Variants in ETV6 observed in about 807,000 individuals in gnomAD.
ETV6 encodes ETS variant transcription factor 6.
ETV6 carries 16 observed loss-of-function variants against 51.1 expected under a neutral mutation model. The ratio of observed to expected loss-of-function variants is 0.31; its 90% CI spans 0.21 to 0.48. The LOEUF (loss-of-function observed/expected upper bound fraction) is 0.48, where lower values mean the gene tolerates loss of function less well. Among genes scored for constraint, ETV6 ranks in the 20% least tolerant of loss-of-function variants. ETV6 has a pLI of 0.99. For missense variants in ETV6, 458 were observed against 594.8 expected (o/e 0.77, Z 2.39); for synonymous variants, 240 against 224.1 (o/e 1.07, Z -0.64).
intron 2 of ETV6, among the ~76,000 whole-genome samples, chr12:11,756,951 C>T (rs898623071): frequency 5.9e-5 from 9 of 152,106 alleles, no homozygotes; most frequent in Non-Finnish European, 1.2e-4. Context: ...GTTGACATTG[C>T]GCCATTTGCC....
At chr12:11,656,771 A>G (rs1427316918) in intron 1 of ETV6, among the ~76,000 whole-genome samples, 1 of 151,464 alleles carries the variant, frequency 6.6e-6, no homozygotes, top group Non-Finnish European at 1.5e-5. Flanking sequence ...CTCGGGCTAG[A>G]CACCTTCTTT....
At chr12:11,661,726 G>A (rs1359716521) in intron 1 of ETV6, among the ~76,000 whole-genome samples, 1 of 152,256 alleles carries the variant, frequency 6.6e-6, no homozygotes, top group African/African-American at 2.4e-5. Flanking sequence ...GAGCATACCT[G>A]TTGGTGAGGT....
intron 1 of ETV6, chr12:11,751,438 A>G (rs1339574249): frequency 1.9e-6 from 1 of 518,864 alleles, no homozygotes; most frequent in East Asian, 5.4e-5. Context: ...TAAACCACAG[A>G]CACTCCTGAA....
intron 4 of ETV6, among the ~76,000 whole-genome samples, chr12:11,867,928 G>T (rs973010484): frequency 6.6e-6 from 1 of 152,164 alleles, no homozygotes; most frequent in Non-Finnish European, 1.5e-5. Flanking sequence ...GACTTCTGGA[G>T]CCAGGTGTGT....
chr12:11,749,288 T>TACACACACACACAC lies in ETV6; in HGVS notation c.34-3113_34-3100dup, dbSNP rs761925697. Among the ~76,000 whole-genome samples the TACACACACACACAC allele has an allele frequency of 8.3e-4, 102 of 122,928 alleles. 2 individuals carry two copies. Among genetic ancestry groups the TACACACACACACAC allele is most frequent in the Middle Eastern group, 4.4e-3 (1 of 228 alleles). 80.6% of individuals were successfully genotyped at this position (122,928 alleles called of 152,430 possible). The stretch of plus-strand genomic sequence containing the variant: ...CTTGGGAAAATCGTTATCCCCCCCA[T>TACACACACACACAC]ACACACACACACACACACACACACA... On this transcript the variant is annotated intron_variant, in intron 1 of 7. Transcript: ENST00000396373.
At chr12:11,789,158 G>A (rs1430110569) in intron 2 of ETV6, among the ~76,000 whole-genome samples, 8 of 151,740 alleles carry the variant, frequency 5.3e-5, no homozygotes, top group Non-Finnish European at 8.8e-5. Flanking sequence ...TCAGCCTCCC[G>A]AGTAGCTGGG....
At chr12:11,746,888 T>C (rs1865919900) in intron 1 of ETV6, among the ~76,000 whole-genome samples, 3 of 151,242 alleles carry the variant, frequency 2.0e-5, no homozygotes, top group African/African-American at 7.3e-5. Flanking sequence ...TTGTATCTGC[T>C]TGACAGAAGC....
chr12:11,865,319 A>G lies in ETV6; in HGVS notation c.464-4105A>G, dbSNP rs551220196. Reference sequence around the variant, plus strand: ...AAGACTATAAAATCATAATAGAACCATCATATCACTTGAAAACTAGTAGTT... The same window carrying G: ...AAGACTATAAAATCATAATAGAACCGTCATATCACTTGAAAACTAGTAGTT... On this transcript the variant is annotated intron_variant, in intron 4 of 7. Coordinates refer to ENST00000396373, the MANE Select transcript of ETV6 (RefSeq NM_001987.5). Among the ~76,000 whole-genome samples, 39 of 151,946 alleles carry G rather than the reference A, an allele frequency of 2.6e-4. No homozygotes were observed. In the East Asian group the frequency reaches 7.4e-3, roughly 29 times the overall value.
At chr12:11,814,152 A>G (rs1291942720) in intron 2 of ETV6, among the ~76,000 whole-genome samples, 1 of 152,176 alleles carries the variant, frequency 6.6e-6, no homozygotes, top group African/African-American at 2.4e-5. Context: ...GGTGACCCCA[A>G]AGTTCTGTAA....
At chr12:11,857,439 T>G (rs968241822) in intron 4 of ETV6, among the ~76,000 whole-genome samples, 3 of 152,232 alleles carry the variant, frequency 2.0e-5, no homozygotes, top group Non-Finnish European at 4.4e-5. Flanking sequence ...AATCACATCA[T>G]GGCTTGAGCA....
intron 2 of ETV6, among the ~76,000 whole-genome samples, chr12:11,760,713 G>T (rs933425130): frequency 2.9e-4 from 43 of 146,624 alleles, no homozygotes; most frequent in African/African-American, 1.1e-3. Context: ...ATGAGCTTTA[G>T]TTTTTTGGTC....
intron 2 of ETV6, among the ~76,000 whole-genome samples, chr12:11,828,107 A>G (rs1409547170): frequency 6.6e-6 from 1 of 152,130 alleles, no homozygotes; most frequent in Non-Finnish European, 1.5e-5. Context: ...GTAAGCATAC[A>G]TATCAGTAAG....
Position 11,853,685 on chromosome 12 carries a change from G to C in ETV6, c.463+124G>C, listed in dbSNP as rs1355344380. On this transcript the variant is annotated intron_variant, in intron 4 of 7. Coordinates refer to ENST00000396373, the MANE Select transcript of ETV6 (RefSeq NM_001987.5). ...TTTTCATTCAGTAGACAATTATTGA[G>C]TGCTTACTATGTACAAAATACACTC... 6 of 1,096,308 alleles carry C rather than the reference G, an allele frequency of 5.5e-6. No homozygotes were observed. The Admixed American group carries it at 1.2e-4, about 22-fold the overall frequency. The allele number at this position is 1,096,308 out of a possible 1,614,324, so 67.9% of individuals were successfully genotyped here.
chr12:11,739,031 T>A (rs12828066), intron 1 of ETV6, among the ~76,000 whole-genome samples: 1 of 151,968 alleles, frequency 6.6e-6, no homozygotes, highest in Admixed American at 6.6e-5. Flanking sequence ...CTGAACCAAC[T>A]TGTTTTTCAG....
At chr12:11,782,155 C>T (rs1945423134) in intron 2 of ETV6, among the ~76,000 whole-genome samples, 2 of 152,146 alleles carry the variant, frequency 1.3e-5, no homozygotes, top group African/African-American at 4.8e-5. Flanking sequence ...AAATCAGATG[C>T]ACTGCTTGGC....
intron 2 of ETV6, among the ~76,000 whole-genome samples, chr12:11,824,452 T>C (rs1946124507): frequency 2.0e-5 from 3 of 152,054 alleles, no homozygotes; most frequent in Admixed American, 2.0e-4. Flanking sequence ...AGGATAGCTG[T>C]GGAGAAGCTG....
intron 1 of ETV6, among the ~76,000 whole-genome samples, chr12:11,746,514 C>A (rs1865911696): frequency 6.6e-6 from 1 of 152,162 alleles, no homozygotes; most frequent in East Asian, 1.9e-4. Context: ...TTTCCAGCTA[C>A]AATTGTGACA....
chr12:11,657,404 G>A (rs1864020306), intron 1 of ETV6, among the ~76,000 whole-genome samples: 1 of 152,126 alleles, frequency 6.6e-6, no homozygotes, highest in Non-Finnish European at 1.5e-5. Context: ...ACATATTAGT[G>A]TTCATCATTG....
intron 1 of ETV6, among the ~76,000 whole-genome samples, chr12:11,723,962 A>G (rs1865441119): frequency 6.6e-6 from 1 of 152,008 alleles, no homozygotes; most frequent in African/African-American, 2.4e-5. Context: ...GGGTGCCCAG[A>G]GGAAGAACAG....
Sources: allele counts gnomAD v4.1 joint callset (sites outside exome capture counted in the v4.1 genomes callset), GRCh38; gene constraint gnomAD v4.1.1; transcripts MANE v1.5; gene names NCBI Gene and HGNC (gene_info 2026-07-23, HGNC 2026-07-21).